FSTL4: variants seen among roughly 807,000 people sequenced by gnomAD.
The protein encoded by FSTL4 is follistatin like 4.
In FSTL4, 28 loss-of-function variants were observed where a neutral mutation model predicts 78.2. The observed-to-expected ratio is 0.36, with a 90% confidence interval of 0.27 to 0.49. The LOEUF (loss-of-function observed/expected upper bound fraction) is 0.49. Ranked by LOEUF, FSTL4 falls within the 20% of genes least tolerant of loss-of-function variation. FSTL4 has a pLI of 0.98. For synonymous variants in FSTL4, 422 were observed against 440.5 expected, an observed-to-expected ratio of 0.96 and a Z score of 0.53; for missense variants, 922 against 1,084.9, an observed-to-expected ratio of 0.85 and a Z score of 2.11.
the FSTL4 span, among the ~76,000 whole-genome samples, chr5:133,626,465 A>T: frequency 6.7e-6 from 1 of 148,270 alleles, no homozygotes. Context: ...AGTCTCCCAA[A>T]GTACTTGGAT....
chr5:133,551,539 G>A (rs944071908), intron 3 of FSTL4, among the ~76,000 whole-genome samples: 3 of 152,232 alleles, frequency 2.0e-5, no homozygotes, highest in Admixed American at 6.5e-5. Context: ...TTCGGAGCCC[G>A]GATTAAAAGT....
At chr5:133,818,931 C>CTATATATATATGTATATATATATATATA in the FSTL4 span, among the ~76,000 whole-genome samples, 1 of 61,756 alleles carries the variant, frequency 1.6e-5, no homozygotes, top group Non-Finnish European at 2.9e-5. Context: ...TTAGAAGATA[C>CTATATATATATGTATATATATATATATA]TATATATATA....
At chr5:133,595,254 T>C (rs1470126940) in intron 2 of FSTL4, among the ~76,000 whole-genome samples, 1 of 152,132 alleles carries the variant, frequency 6.6e-6, no homozygotes, top group East Asian at 1.9e-4. Flanking sequence ...CTCTCCTGGT[T>C]CAAGAAGAAA....
At chr5:133,658,281 A>T in the FSTL4 span, among the ~76,000 whole-genome samples, 1 of 152,124 alleles carries the variant, frequency 6.6e-6, no homozygotes, top group South Asian at 2.1e-4. Context: ...GTTTATACTA[A>T]CCTGACAAAG....
the FSTL4 span, among the ~76,000 whole-genome samples, chr5:133,630,124 A>T: frequency 6.6e-6 from 1 of 152,268 alleles, no homozygotes; most frequent in African/African-American, 2.4e-5. Flanking sequence ...TCTATTCAAC[A>T]TAGTATCGGA....
chr5:133,683,425 T>C, the FSTL4 span, among the ~76,000 whole-genome samples: 22,941 of 152,162 alleles, frequency 0.15, 4,727 homozygotes, highest in African/African-American at 0.47. Flanking sequence ...TAATGCAAAT[T>C]TAATACACAG....
At chr5:133,505,534 A>T (rs1758596262) in intron 3 of FSTL4, among the ~76,000 whole-genome samples, 1 of 152,260 alleles carries the variant, frequency 6.6e-6, no homozygotes, top group African/African-American at 2.4e-5. Context: ...TAAGAGAAGA[A>T]AAGCCCATCC....
chr5:133,346,433 A>G (rs2126922447), intron 4 of FSTL4, among the ~76,000 whole-genome samples: 1 of 152,298 alleles, frequency 6.6e-6, no homozygotes, highest in African/African-American at 2.4e-5. Flanking sequence ...ATAAAAATAA[A>G]AGAACTGTGA....
At chr5:133,629,076 T>C in the FSTL4 span, among the ~76,000 whole-genome samples, 2 of 149,990 alleles carry the variant, frequency 1.3e-5, no homozygotes, top group Non-Finnish European at 3.0e-5. Flanking sequence ...GCTTCCAGCT[T>C]TTGCCCATTC....
At chr5:133,382,724 T>C (rs1755602436) in intron 4 of FSTL4, among the ~76,000 whole-genome samples, 2 of 152,206 alleles carry the variant, frequency 1.3e-5, no homozygotes, top group Admixed American at 1.3e-4. Flanking sequence ...AACTGCTTAA[T>C]TCCCTCAACA....
At chr5:133,213,250 G>T (rs182655266) in intron 13 of FSTL4, among the ~76,000 whole-genome samples, 72 of 152,268 alleles carry the variant, frequency 4.7e-4, no homozygotes, top group Non-Finnish European at 8.4e-4. Flanking sequence ...TGATCCACCT[G>T]CCCTGGCCTC....
chr5:133,374,618 G>A (rs900939019), intron 4 of FSTL4, among the ~76,000 whole-genome samples: 1 of 152,104 alleles, frequency 6.6e-6, no homozygotes, highest in African/African-American at 2.4e-5. Context: ...AATCTCCAAT[G>A]TGATGATACT....
the FSTL4 span, among the ~76,000 whole-genome samples, chr5:133,812,897 C>T: frequency 2.0e-5 from 3 of 152,180 alleles, no homozygotes; most frequent in East Asian, 1.9e-4. Context: ...CCTGGGGGCT[C>T]GGCTGCTTCC....
intron 4 of FSTL4, among the ~76,000 whole-genome samples, chr5:133,333,697 G>A (rs776349868): frequency 1.3e-5 from 2 of 152,214 alleles, no homozygotes; most frequent in Non-Finnish European, 2.9e-5. Flanking sequence ...CCAGAGCAAG[G>A]TACCCTTTGG....
intron 4 of FSTL4, among the ~76,000 whole-genome samples, chr5:133,394,255 G>A (rs983439993): frequency 4.6e-5 from 7 of 152,264 alleles, no homozygotes; most frequent in South Asian, 2.1e-4. Context: ...CTCTGGCCAT[G>A]CTTGAGGAGC....
At chr5:133,397,210 G>C (rs145623349) in intron 4 of FSTL4, among the ~76,000 whole-genome samples, 3 of 152,350 alleles carry the variant, frequency 2.0e-5, no homozygotes, top group Admixed American at 6.5e-5. Context: ...GATGTCACAA[G>C]ATAACTTTGA....
Position 133,485,643 on chromosome 5 carries a change from C to T in FSTL4, c.160+81543G>A, listed in dbSNP as rs544556456. 5.9e-5 allele frequency among the ~76,000 whole-genome samples: 9 copies of T among 152,270 alleles called. No homozygotes were observed. In the South Asian group the frequency reaches 1.2e-3, roughly 21 times the overall value. On this transcript the variant is annotated intron_variant, in intron 3 of 15. Transcript: ENST00000265342. ...AGCCATTGCAGCTGCAAACAAGCTG[C>T]GGTCCTAAGTGGGCTGGCAGGGCAG...
chr5:133,620,856 A>G, the FSTL4 span, among the ~76,000 whole-genome samples: 17 of 152,356 alleles, frequency 1.1e-4, no homozygotes, highest in African/African-American at 3.1e-4. Context: ...TAGAGCCACT[A>G]TGGAAAACAG....
intron 3 of FSTL4, among the ~76,000 whole-genome samples, chr5:133,540,691 C>T (rs1759447421): frequency 7.5e-6 from 1 of 134,136 alleles, no homozygotes; most frequent in Non-Finnish European, 1.5e-5. Context: ...TCCTCCAGCT[C>T]ACCTCTCCCT....
Sources: allele counts gnomAD v4.1 joint callset (sites outside exome capture counted in the v4.1 genomes callset), GRCh38; gene constraint gnomAD v4.1.1; transcripts MANE v1.5; gene names NCBI Gene and HGNC (gene_info 2026-07-23, HGNC 2026-07-21).